Variants in DAB2IP observed in about 807,000 individuals in gnomAD.
DAB2IP encodes disabled homolog 2-interacting protein.
A neutral mutation model predicts 107.2 loss-of-function variants in DAB2IP; 28 were observed. That is an observed-to-expected ratio of 0.26 (90% confidence interval 0.19 to 0.36). The LOEUF (loss-of-function observed/expected upper bound fraction) is 0.36. Ranked by LOEUF, DAB2IP falls within the 10% of genes least tolerant of loss-of-function variation. DAB2IP has a pLI of 1.00. For missense variants in DAB2IP, 1,400 were observed against 1,644.7 expected (o/e 0.85, Z 2.57); for synonymous variants, 755 against 706.4 (o/e 1.07, Z -1.09).
At chr9:121,624,209 C>T (rs747548087) in intron 1 of DAB2IP, among the ~76,000 whole-genome samples, 2 of 152,224 alleles carry the variant, frequency 1.3e-5, no homozygotes, top group Admixed American at 6.5e-5. Flanking sequence ...GTCTGTGCCA[C>T]GGACCCAGCG....
chr9:121,773,384 C>G (rs1342445838), exon 12 of DAB2IP: 1 of 1,597,896 alleles, frequency 6.3e-7, no homozygotes, highest in South Asian at 1.1e-5. Context: ...CAAGCGGAAC[C>G]CTGGCGTCGG....
At chr9:121,717,247 C>CT in intron 3 of DAB2IP, among the ~76,000 whole-genome samples, 1 of 152,334 alleles carries the variant, frequency 6.6e-6, no homozygotes, top group Admixed American at 6.5e-5. Flanking sequence ...ATTCTGGACT[C>CT]TGAGTGGCTT....
At chr9:121,780,428 A>G (rs1423300361) in intron 14 of DAB2IP, among the ~76,000 whole-genome samples, 3 of 152,258 alleles carry the variant, frequency 2.0e-5, no homozygotes, top group South Asian at 4.1e-4. Flanking sequence ...GCCCCGGCAC[A>G]GTGGCTCCCT....
At chr9:121,743,406 T>G (rs1832485444) in intron 3 of DAB2IP, among the ~76,000 whole-genome samples, 1 of 152,222 alleles carries the variant, frequency 6.6e-6, no homozygotes, top group Non-Finnish European at 1.5e-5. Context: ...TCTAACCTGA[T>G]CATGAATTTT....
At chr9:121,768,664 C>T in intron 10 of DAB2IP, 31 bp downstream of exon 10, 19 of 1,610,418 alleles carry the variant, frequency 1.2e-5, no homozygotes, top group Non-Finnish European at 1.5e-5. Flanking sequence ...GAGGTGGGGC[C>T]AAAAGCTGCC....
intron 1 of DAB2IP, among the ~76,000 whole-genome samples, chr9:121,672,459 A>G (rs1184757602): frequency 1.3e-5 from 2 of 152,258 alleles, no homozygotes; most frequent in African/African-American, 4.8e-5. Flanking sequence ...GGTGGTAACC[A>G]TGGCAACCAA....
intron 3 of DAB2IP, among the ~76,000 whole-genome samples, chr9:121,705,146 G>A (rs1308153799): frequency 6.6e-6 from 1 of 152,244 alleles, no homozygotes; most frequent in East Asian, 1.9e-4. Flanking sequence ...GCTGGGCAAT[G>A]TTTTTAGGAA....
rs573571006 is a variant in DAB2IP, at chr9:121,758,521, G to A, written c.517-377G>A. Among the ~76,000 whole-genome samples, 6 of 152,282 alleles carry A rather than the reference G, an allele frequency of 3.9e-5. No homozygotes were observed. The East Asian group carries it at 5.8e-4, about 15-fold the overall frequency. On this transcript the variant is annotated intron_variant, in intron 4 of 15. Transcript: ENST00000408936. ...GTGGTTCCGCCTTTAGGGAAAGTAC[G>A]CTCGGGTTAAGCATTGCCCTCTGAC...
intron 1 of DAB2IP, among the ~76,000 whole-genome samples, chr9:121,655,818 G>A (rs1163402650): frequency 1.3e-5 from 2 of 151,982 alleles, no homozygotes; most frequent in Non-Finnish European, 2.9e-5. Flanking sequence ...GGAGCTGGGG[G>A]TTTTGCAGAT....
chr9:121,768,093 C>T (rs1006976897), intron 9 of DAB2IP, among the ~76,000 whole-genome samples: 12 of 152,064 alleles, frequency 7.9e-5, no homozygotes, highest in Non-Finnish European at 1.6e-4. Flanking sequence ...CCTGAAAGCT[C>T]ATTGGGAGAC....
At chr9:121,650,372 G>C (rs554076512), upstream of DAB2IP, among the ~76,000 whole-genome samples, 7 of 152,332 alleles carry the variant, frequency 4.6e-5, no homozygotes, top group South Asian at 1.4e-3. Flanking sequence ...GGCTGAGAGC[G>C]CTAGGGAGGG....
chr9:121,733,065 T>A (rs1288331118), intron 3 of DAB2IP, among the ~76,000 whole-genome samples: 1 of 152,202 alleles, frequency 6.6e-6, no homozygotes, highest in South Asian at 2.1e-4. Flanking sequence ...GTACAACTGG[T>A]CTCTTCAGAA....
chr9:121,689,934 A>C (rs968825123), intron 2 of DAB2IP, among the ~76,000 whole-genome samples: 1 of 152,264 alleles, frequency 6.6e-6, no homozygotes, highest in African/African-American at 2.4e-5. Flanking sequence ...TGAGAGCTTT[A>C]GCTCTGGAGC....
At chr9:121,653,176 TCC>T (rs1832824014) in intron 1 of DAB2IP, among the ~76,000 whole-genome samples, 1 of 93,304 alleles carries the variant, frequency 1.1e-5, no homozygotes, top group East Asian at 3.1e-4. Flanking sequence ...CCTTTAGTAC[TCC>T]TTGGAGGGAG....
In DAB2IP at chr9:121,776,140, C is replaced by T. The variant is rs1428393921; in HGVS notation, c.3121-58C>T. The T allele has an allele frequency of 1.8e-5, 27 of 1,541,200 alleles. No individual in the cohort carries two copies. The highest frequency in any genetic ancestry group is 1.7e-4 in the Middle Eastern group (1 of 5,858). ...CTACCCTTCCTCCCACTCGGGCTGA[C>T]GAAGCTGTGCTCTCTGTGTCCTGGG... On this transcript the variant is annotated intron_variant, in intron 13 of 15. Transcript: ENST00000408936. This position sits in a 1 kb window ranked among gnomAD's most constrained non-coding sequence, Gnocchi z 5.4.
At chr9:121,664,914 C>T (rs543629152) in intron 1 of DAB2IP, among the ~76,000 whole-genome samples, 31 of 152,354 alleles carry the variant, frequency 2.0e-4, no homozygotes, top group African/African-American at 7.5e-4. Context: ...ATTATAACCT[C>T]ATGTCCCCTA....
At chr9:121,761,225 C>T (rs527689688) in intron 6 of DAB2IP, among the ~76,000 whole-genome samples, 16 of 152,350 alleles carry the variant, frequency 1.1e-4, no homozygotes, top group Middle Eastern at 6.8e-3. Context: ...GCCTCGAAGG[C>T]GACCTTCTCT....
At chr9:121,639,356 C>G (rs915473301) in intron 1 of DAB2IP, among the ~76,000 whole-genome samples, 20 of 152,228 alleles carry the variant, frequency 1.3e-4, no homozygotes, top group African/African-American at 4.8e-4. Context: ...CGAGGGTGGT[C>G]AGAGCACAGC....
At chr9:121,687,007 T>G (rs919935388) in intron 2 of DAB2IP, among the ~76,000 whole-genome samples, 1 of 151,910 alleles carries the variant, frequency 6.6e-6, no homozygotes, top group Non-Finnish European at 1.5e-5. Flanking sequence ...TGAGTTCAGA[T>G]GGAGATGGAG....
Sources: gnomAD v4.1 joint callset for allele counts (sites outside exome capture counted in the v4.1 genomes callset) on GRCh38, gnomAD v4.1.1 for gene constraint, Gnocchi (gnomAD v3.1) non-coding constraint, MANE v1.5 for transcripts, NCBI Gene and HGNC (gene_info 2026-07-23, HGNC 2026-07-21) for gene names.